Variants in MED15 observed in about 807,000 individuals in gnomAD.
MED15 encodes the protein mediator complex subunit 15, also known as mediator of RNA polymerase II transcription subunit 15.
Under a neutral mutation model 118.7 loss-of-function variants are expected in MED15, and 41 were observed. The observed-to-expected ratio is 0.35, with a 90% CI of 0.27 to 0.45. The LOEUF (loss-of-function observed/expected upper bound fraction) is 0.45. Among genes scored for constraint, MED15 ranks in the 20% least tolerant of loss-of-function variants. MED15 has a pLI of 1.00. For missense variants in MED15, 740 were observed against 1,025.5 expected (o/e 0.72, Z 3.80); for synonymous variants, 436 against 413.9 (o/e 1.05, Z -0.65).
At chr22:20,582,224 C>T (rs899353022) in intron 9 of MED15, 1 of 319,280 alleles carries the variant, frequency 3.1e-6, no homozygotes, top group Non-Finnish European at 5.9e-6. Flanking sequence ...GCAGGGTCCT[C>T]ACCGACCCAC....
chr22:20,540,943 A>T (rs1412529769), intron 2 of MED15, among the ~76,000 whole-genome samples: 1 of 152,100 alleles, frequency 6.6e-6, no homozygotes, highest in South Asian at 2.1e-4. Context: ...AATAGGCAAA[A>T]TACAGCCAGG....
At chr22:20,580,941 C>A (rs550881753) in intron 9 of MED15, among the ~76,000 whole-genome samples, 127 of 152,336 alleles carry the variant, frequency 8.3e-4, no homozygotes, top group African/African-American at 3.0e-3. Context: ...CCCGGCAGGC[C>A]GAGGCTGGGG....
Position 20,585,084 on chromosome 22 carries a change from C to T in MED15, c.1965-17C>T. On this transcript the variant is annotated splice_polypyrimidine_tract_variant and intron_variant, in intron 15 of 17. Coordinates refer to ENST00000263205, the MANE Select transcript of MED15 (RefSeq NM_001003891.3). ...GGGCCGCGTGTGCCAGGTGTGGTCA[C>T]CATGCCGCCTCCCCAGGGCCCCAGT... is the stretch of plus-strand genomic sequence containing the variant. 6.2e-7 allele frequency: 1 copy of T among 1,613,428 alleles called. No homozygotes were observed. Among genetic ancestry groups the T allele is most frequent in the Non-Finnish European group, 8.5e-7 (1 of 1,179,760 alleles).
intron 2 of MED15, among the ~76,000 whole-genome samples, chr22:20,545,024 T>C (rs902014756): frequency 1.3e-5 from 2 of 152,184 alleles, no homozygotes; most frequent in Non-Finnish European, 2.9e-5. Flanking sequence ...AACTTCATCA[T>C]ATCTGCAAAG....
intron 1 of MED15, among the ~76,000 whole-genome samples, chr22:20,523,483 A>G (rs1377585739): frequency 6.6e-6 from 1 of 152,014 alleles, no homozygotes; most frequent in East Asian, 1.9e-4. Context: ...ACCCTTCCTC[A>G]TCACCTCCTG....
At chr22:20,582,397 C>T in intron 9 of MED15, 2 of 720,406 alleles carry the variant, frequency 2.8e-6, no homozygotes, top group Non-Finnish European at 4.4e-6. Context: ...GGCTGCCCTG[C>T]CTGGGCCCCC....
Position 20,575,700 on chromosome 22 carries a change from T to C in MED15, c.1272+468T>C, listed in dbSNP as rs998678530. On this transcript the variant is annotated intron_variant, in intron 9 of 17. Transcript: ENST00000263205. ...CAGCCTGGTTCACATAGCGACATAC[T>C]ATCTCCAATTAATTATATACATTTT... Among the ~76,000 whole-genome samples the C allele has an allele frequency of 2.6e-5, 4 of 151,582 alleles. No homozygotes were observed. The East Asian group carries it at 5.8e-4, about 22-fold the overall frequency.
intron 8 of MED15, among the ~76,000 whole-genome samples, chr22:20,571,334 G>T (rs989639274): frequency 1.4e-4 from 21 of 152,226 alleles, no homozygotes; most frequent in Admixed American, 2.6e-4. Flanking sequence ...CGCCCGACTG[G>T]CACAGGAAGG....
chr22:20,521,716 TTATTTATTTATTTATTTATG>T (rs1601462107), intron 1 of MED15, among the ~76,000 whole-genome samples: 2 of 103,762 alleles, frequency 1.9e-5, no homozygotes, highest in Admixed American at 9.0e-5. Context: ...ATTTATTTAT[TTATTTATTTATTTATTTATG>T]TATTTCTGAG....
At chr22:20,516,245 G>A (rs1057070876) in intron 1 of MED15, among the ~76,000 whole-genome samples, 2 of 151,506 alleles carry the variant, frequency 1.3e-5, no homozygotes, top group Admixed American at 6.6e-5. Flanking sequence ...CCTGGGAGGC[G>A]GAGGTTGCAG....
intron 5 of MED15, among the ~76,000 whole-genome samples, chr22:20,555,369 G>A (rs187091898): frequency 2.0e-5 from 3 of 152,244 alleles, no homozygotes; most frequent in South Asian, 2.1e-4. Context: ...CCTCCTCCTA[G>A]CCCTGGGCAG....
At chr22:20,516,554 A>C (rs1332358184) in intron 1 of MED15, among the ~76,000 whole-genome samples, 3 of 151,618 alleles carry the variant, frequency 2.0e-5, no homozygotes, top group Non-Finnish European at 4.4e-5. Context: ...TGCCTACCAC[A>C]GTTGCAGGCC....
intron 1 of MED15, chr22:20,518,857 A>G (rs537441835): frequency 2.2e-6 from 1 of 452,548 alleles, no homozygotes; most frequent in East Asian, 7.0e-5. Flanking sequence ...ACATTCATTT[A>G]TTTGTTTGTT....
rs890605439 is a variant in MED15, at chr22:20,538,804, A to G, written c.156+1600A>G. On this transcript the variant is annotated intron_variant, in intron 2 of 17. Transcript: ENST00000263205. Reference sequence around the variant, plus strand: ...AACCTCCGCCTACCAGGTTCAAGCGATTCTTCCGCCTCAGCCTCCCAAGTA... The same window carrying G: ...AACCTCCGCCTACCAGGTTCAAGCGGTTCTTCCGCCTCAGCCTCCCAAGTA... Among the ~76,000 whole-genome samples the G allele has an allele frequency of 5.3e-5, 8 of 151,888 alleles. No homozygotes were observed. In the East Asian group the frequency reaches 1.4e-3, roughly 26 times the overall value.
At chr22:20,524,881 G>A (rs2054578819) in intron 1 of MED15, among the ~76,000 whole-genome samples, 1 of 152,054 alleles carries the variant, frequency 6.6e-6, no homozygotes, top group Non-Finnish European at 1.5e-5. Flanking sequence ...CCAAAGTCCT[G>A]GGATTATAAG....
At chr22:20,525,707 T>C (rs894679629) in intron 1 of MED15, among the ~76,000 whole-genome samples, 26 of 151,814 alleles carry the variant, frequency 1.7e-4, no homozygotes, top group African/African-American at 6.3e-4. Context: ...TGGCTAATTT[T>C]GTATTTTTAG....
chr22:20,523,783 G>A, intron 1 of MED15: 3 of 985,450 alleles, frequency 3.0e-6, no homozygotes, highest in Non-Finnish European at 3.6e-6. Flanking sequence ...AGTATGTGAA[G>A]GAAGCTCGTG....
chr22:20,528,983 C>T (rs1034410217), intron 1 of MED15, among the ~76,000 whole-genome samples: 1 of 152,156 alleles, frequency 6.6e-6, no homozygotes, highest in Non-Finnish European at 1.5e-5. Context: ...CTTGGTGCAG[C>T]CTGGCCTCAA....
chr22:20,566,217 A>G (rs1601599590), intron 6 of MED15, among the ~76,000 whole-genome samples: 1 of 151,630 alleles, frequency 6.6e-6, no homozygotes, highest in African/African-American at 2.4e-5. Flanking sequence ...TTTTTGTATT[A>G]TTAGTAGAGA....
Sources: gnomAD v4.1 joint callset for allele counts (sites outside exome capture counted in the v4.1 genomes callset) on GRCh38, gnomAD v4.1.1 for gene constraint, MANE v1.5 for transcripts, NCBI Gene and HGNC (gene_info 2026-07-23, HGNC 2026-07-21) for gene names.